SGMS1: variants seen among roughly 807,000 people sequenced by gnomAD.
SGMS1 encodes the protein phosphatidylcholine:ceramide cholinephosphotransferase 1.
In SGMS1, 13 loss-of-function variants were observed where a neutral mutation model predicts 46.2. The ratio of observed to expected loss-of-function variants is 0.28; its 90% CI spans 0.18 to 0.45. The LOEUF (loss-of-function observed/expected upper bound fraction) is 0.45. Among genes scored for constraint, SGMS1 ranks in the 20% least tolerant of loss-of-function variants. The pLI is 1.00. For missense variants in SGMS1, 324 were observed against 519.9 expected (o/e 0.62, Z 3.66); for synonymous variants, 203 against 187.8 (o/e 1.08, Z -0.66).
chr10:50,575,185 C>CA (rs746379835), intron 2 of SGMS1, among the ~76,000 whole-genome samples: 17 of 151,802 alleles, frequency 1.1e-4, no homozygotes, highest in Admixed American at 2.0e-4. Flanking sequence ...GAGTAAGTTC[C>CA]ATACATAGTA....
At chr10:50,408,131 G>A (rs1037242724) in intron 6 of SGMS1, among the ~76,000 whole-genome samples, 6 of 152,082 alleles carry the variant, frequency 3.9e-5, no homozygotes, top group African/African-American at 9.7e-5. Flanking sequence ...TTAAATATTC[G>A]CATGTGGCTA....
At chr10:50,330,234 A>T (rs776066896) in intron 7 of SGMS1, among the ~76,000 whole-genome samples, 2 of 152,092 alleles carry the variant, frequency 1.3e-5, no homozygotes, top group Non-Finnish European at 2.9e-5. Context: ...CAGGTGGATC[A>T]CTTGAGCCCA....
rs114197212 is a variant in SGMS1, at chr10:50,411,531, C to T, written c.-232+21945G>A. Among the ~76,000 whole-genome samples the T allele has an allele frequency of 9.5e-3, 1,453 of 152,288 alleles. 25 individuals carry two copies. The highest frequency in any genetic ancestry group is 0.033 in the African/African-American group (1,385 of 41,556). On this transcript the variant is annotated intron_variant, in intron 6 of 10. Transcript: ENST00000361781. ...ATCAGCTTTCAAACATTTTCAGCAA[C>T]ACTTCCTGCAGTGCGTGGTAATTTC...
intron 3 of SGMS1, among the ~76,000 whole-genome samples, chr10:50,515,481 C>CA (rs1367400026): frequency 7.2e-5 from 11 of 152,314 alleles, no homozygotes; most frequent in African/African-American, 2.6e-4. Context: ...CTGACAAGTT[C>CA]AAAGGGCCAG....
chr10:50,529,689 C>A (rs538853686), intron 2 of SGMS1, among the ~76,000 whole-genome samples: 1 of 152,040 alleles, frequency 6.6e-6, no homozygotes, highest in African/African-American at 2.4e-5. Context: ...GCCATCTAAT[C>A]GACTATTTCA....
At chr10:50,370,585 A>T (rs1185719920) in intron 6 of SGMS1, among the ~76,000 whole-genome samples, 2 of 151,926 alleles carry the variant, frequency 1.3e-5, no homozygotes, top group Non-Finnish European at 2.9e-5. Flanking sequence ...TACTAAAAAT[A>T]CAAAAATTAG....
rs2131954590 is a variant in SGMS1, at chr10:50,623,775, G to A, written c.-752C>T. On this transcript the variant is annotated 5_prime_UTR_variant, in exon 1 of 11. Transcript: ENST00000361781. The stretch of plus-strand genomic sequence containing the variant: ...CCCCCGCCGCGGAATGAAATCCGGG[G>A]CAGGGCAGCGTCGGGGCTCCGCACC... The A allele has an allele frequency of 1.0e-6, 1 of 985,518 alleles. No individual in the cohort carries two copies. 61.0% of individuals were successfully genotyped at this position (985,518 alleles called of 1,614,324 possible).
chr10:50,313,620 A>T (rs1422694901), intron 8 of SGMS1, among the ~76,000 whole-genome samples: 2 of 152,246 alleles, frequency 1.3e-5, no homozygotes, highest in African/African-American at 4.8e-5. Flanking sequence ...TAAAATGTAG[A>T]AGAAAATTAT....
chr10:50,429,094 T>A (rs1849366397), intron 6 of SGMS1, among the ~76,000 whole-genome samples: 1 of 152,182 alleles, frequency 6.6e-6, no homozygotes, highest in South Asian at 2.1e-4. Context: ...GAAGGTGTAT[T>A]GCTTTTGCAC....
intron 2 of SGMS1, among the ~76,000 whole-genome samples, chr10:50,571,782 C>T (rs552794396): frequency 0.033 from 5,093 of 152,090 alleles, 122 homozygotes; most frequent in Non-Finnish European, 0.05. Flanking sequence ...TAAGTATATG[C>T]ACACATACAT....
chr10:50,468,268 T>C (rs1837348540), intron 3 of SGMS1, among the ~76,000 whole-genome samples: 1 of 152,164 alleles, frequency 6.6e-6, no homozygotes, highest in Non-Finnish European at 1.5e-5. Context: ...TCTTTACAGC[T>C]TGAATGCAGG....
intron 6 of SGMS1, chr10:50,418,628 AG>A (rs1849213948): frequency 6.6e-6 from 1 of 152,252 alleles, no homozygotes; most frequent in Admixed American, 6.5e-5. Flanking sequence ...AGAAAAGGGT[AG>A]GTTGCCTTTG....
intron 6 of SGMS1, among the ~76,000 whole-genome samples, chr10:50,420,535 A>G (rs1849242011): frequency 1.3e-5 from 2 of 152,238 alleles, no homozygotes. Flanking sequence ...TTTATAGTAG[A>G]GATCAAAAGG....
At chr10:50,511,921 C>T (rs1837759544) in intron 3 of SGMS1, among the ~76,000 whole-genome samples, 1 of 152,150 alleles carries the variant, frequency 6.6e-6, no homozygotes, top group Non-Finnish European at 1.5e-5. Context: ...CCATTCTATA[C>T]TAATAATCTC....
At chr10:50,339,611 A>G (rs1019450333) in intron 7 of SGMS1, among the ~76,000 whole-genome samples, 1 of 152,204 alleles carries the variant, frequency 6.6e-6, no homozygotes, top group African/African-American at 2.4e-5. Context: ...TACTCAGTGG[A>G]GCATCCCCAG....
chr10:50,343,476 C>A lies in SGMS1; in HGVS notation c.623+16G>T. On this transcript the variant is annotated intron_variant, in intron 7 of 10. Transcript: ENST00000361781. ...ATCCCATAATCATTGAATCTTAGAG[C>A]TTTTACTTGACTTACTTGTATTTTA... 6.4e-7 allele frequency: 1 copy of A among 1,570,722 alleles called. No homozygotes were observed. The highest frequency in any genetic ancestry group is 1.2e-5 in the South Asian group (1 of 84,334).
At chr10:50,378,900 T>C (rs1848560354) in intron 6 of SGMS1, among the ~76,000 whole-genome samples, 1 of 151,602 alleles carries the variant, frequency 6.6e-6, no homozygotes, top group Non-Finnish European at 1.5e-5. Context: ...AGTAGGGAGG[T>C]TTTTTCTTCC....
intron 6 of SGMS1, among the ~76,000 whole-genome samples, chr10:50,376,929 A>C (rs187893936): frequency 5.3e-4 from 80 of 152,314 alleles, no homozygotes; most frequent in African/African-American, 1.7e-3. Context: ...AATTTCCATG[A>C]AAAAAGGTTA....
chr10:50,551,387 G>C (rs1245853363), intron 2 of SGMS1, among the ~76,000 whole-genome samples: 1 of 150,428 alleles, frequency 6.6e-6, no homozygotes, highest in Non-Finnish European at 1.5e-5. Context: ...TGAAAAACCA[G>C]CAAGGCCTGA....
Sources: gnomAD v4.1 joint callset for allele counts (sites outside exome capture counted in the v4.1 genomes callset) on GRCh38, gnomAD v4.1.1 for gene constraint, MANE v1.5 for transcripts, NCBI Gene and HGNC (gene_info 2026-07-23, HGNC 2026-07-21) for gene names.